DCAF8L2: variants seen among roughly 807,000 people sequenced by gnomAD.
DCAF8L2 encodes DDB1 and CUL4 associated factor 8 like 2.
For missense variants in DCAF8L2, 430 were observed against 490.7 expected (o/e 0.88, Z 1.17); for synonymous variants, 200 against 190.9 (o/e 1.05, Z -0.39).
intron 4 of DCAF8L2, among the ~76,000 whole-genome samples, 197 bp downstream of exon 4, chrX:27,716,368 C>T (rs1465828947): frequency 8.9e-6 from 1 of 112,327 alleles, no homozygotes; most frequent in Non-Finnish European, 1.9e-5. Flanking sequence ...AATAAAAGTA[C>T]TTGAATATTA....
intron 2 of DCAF8L2, among the ~76,000 whole-genome samples, chrX:27,648,523 TTATATA>T (rs57191431): frequency 9.8e-6 from 1 of 102,039 alleles, no homozygotes; most frequent in East Asian, 3.0e-4. Context: ...TATGTATTAT[TTATATA>T]TATATATATA....
At chrX:27,647,340 T>C (rs1928979843) in intron 2 of DCAF8L2, among the ~76,000 whole-genome samples, 1 of 111,703 alleles carries the variant, frequency 9.0e-6, no homozygotes, top group South Asian at 3.8e-4. Flanking sequence ...TTCTCACTTA[T>C]AAGTGGGAGC....
At chrX:27,528,758 A>G in the DCAF8L2 span, among the ~76,000 whole-genome samples, 1 of 110,775 alleles carries the variant, frequency 9.0e-6, no homozygotes, top group African/African-American at 3.3e-5. Flanking sequence ...TAGTGACTAC[A>G]TTTAACCTCT....
chrX:27,503,594 A>G, the DCAF8L2 span, among the ~76,000 whole-genome samples: 2 of 111,194 alleles, frequency 1.8e-5, no homozygotes, highest in African/African-American at 6.5e-5. Flanking sequence ...AAAAAAATCA[A>G]TTGGACATAT....
At chrX:27,686,876 T>C (rs1279293808) in intron 3 of DCAF8L2, among the ~76,000 whole-genome samples, 1 of 112,417 alleles carries the variant, frequency 8.9e-6, no homozygotes, top group Non-Finnish European at 1.9e-5. Flanking sequence ...TCTCTGATCA[T>C]CAAGCATTAA....
At chrX:27,492,484 T>TC in the DCAF8L2 span, among the ~76,000 whole-genome samples, 3 of 107,357 alleles carry the variant, frequency 2.8e-5, no homozygotes, top group East Asian at 8.7e-4. Context: ...TTTCTTTCTT[T>TC]TTTTTTTTTT....
the DCAF8L2 span, among the ~76,000 whole-genome samples, chrX:27,529,123 A>G: frequency 5.4e-5 from 6 of 111,770 alleles, no homozygotes; most frequent in African/African-American, 3.2e-5. Flanking sequence ...TTTAGTAACA[A>G]TAAGCCAAGA....
chrX:27,565,418 G>A, the DCAF8L2 span, among the ~76,000 whole-genome samples: 1 of 111,458 alleles, frequency 9.0e-6, no homozygotes, highest in Non-Finnish European at 1.9e-5. Flanking sequence ...TGTGGTCATG[G>A]TGTATGATCC....
At chrX:27,500,824 G>T in the DCAF8L2 span, among the ~76,000 whole-genome samples, 1 of 111,625 alleles carries the variant, frequency 9.0e-6, no homozygotes, top group Non-Finnish European at 1.9e-5. Context: ...AGAAGCAAAA[G>T]ATTAATAGAC....
the DCAF8L2 span, among the ~76,000 whole-genome samples, chrX:27,582,310 A>G: frequency 8.9e-6 from 1 of 111,970 alleles, no homozygotes; most frequent in Admixed American, 9.5e-5. Flanking sequence ...CTATTCACTG[A>G]ACTATACATA....
At chrX:27,672,732 A>G (rs1481095897) in intron 2 of DCAF8L2, among the ~76,000 whole-genome samples, 2 of 112,302 alleles carry the variant, frequency 1.8e-5, no homozygotes, top group Non-Finnish European at 1.9e-5. Flanking sequence ...CAAGACAACT[A>G]CAGGGCGAAA....
chrX:27,716,008 C>A (rs1422167608), intron 3 of DCAF8L2, 80 bp from the exon 4 acceptor site: 1 of 112,365 alleles, frequency 8.9e-6, no homozygotes, highest in East Asian at 2.8e-4. Flanking sequence ...AAACTAAAAT[C>A]CAATGACTTG....
the DCAF8L2 span, among the ~76,000 whole-genome samples, chrX:27,523,303 G>T: frequency 9.0e-6 from 1 of 110,900 alleles, no homozygotes; most frequent in Non-Finnish European, 1.9e-5. Context: ...GGACTAGACA[G>T]CCTTTAAGAT....
chrX:27,573,631 T>C, the DCAF8L2 span, among the ~76,000 whole-genome samples: 1 of 111,254 alleles, frequency 9.0e-6, no homozygotes. Flanking sequence ...ACTAGGGGAA[T>C]AGATTTTCAC....
At chrX:27,523,572 C>G in the DCAF8L2 span, among the ~76,000 whole-genome samples, 1 of 109,917 alleles carries the variant, frequency 9.1e-6, no homozygotes, top group African/African-American at 3.3e-5. Context: ...AATATAATTT[C>G]CCATCATAGA....
At chrX:27,607,398 C>A (rs1926957479) in intron 1 of DCAF8L2, among the ~76,000 whole-genome samples, 1 of 111,007 alleles carries the variant, frequency 9.0e-6, no homozygotes, top group Non-Finnish European at 1.9e-5. Context: ...TGAATCATTT[C>A]CTGTATAGGA....
chrX:27,587,985 A>AAAAAATATATAT, upstream of DCAF8L2, among the ~76,000 whole-genome samples: 7 of 22,356 alleles, frequency 3.1e-4, no homozygotes, highest in African/African-American at 6.9e-4. Context: ...TAAAAAAAAA[A>AAAAAATATATAT]ATATATATAT....
At position 27,746,700 on chromosome X, in the gene DCAF8L2, A is replaced by G. The variant is rs959243104; in HGVS notation, c.-58-138A>G. ...GCAGGTAAGAAGCTTTTTGAACCTC[A>G]TGGGATCCCATACTGGCAACTGCCT... On this transcript the variant is annotated intron_variant, in intron 4 of 4. Coordinates refer to ENST00000451261, the MANE Select transcript of DCAF8L2 (RefSeq NM_001353450.2). 6 of 401,070 alleles carry G rather than the reference A, an allele frequency of 1.5e-5. No homozygotes were observed. The Admixed American group carries it at 1.7e-4, about 12-fold the overall frequency. The allele number at this position is 401,070 out of a possible 1,213,427, so 33.1% of individuals were successfully genotyped here.
intron 1 of DCAF8L2, among the ~76,000 whole-genome samples, chrX:27,624,376 A>G (rs1033175905): frequency 9.0e-5 from 10 of 111,092 alleles, no homozygotes; most frequent in Non-Finnish European, 1.9e-4. Flanking sequence ...AGTCAATAGA[A>G]GGAACATTCC....
Sources: allele counts gnomAD v4.1 joint callset (sites outside exome capture counted in the v4.1 genomes callset), GRCh38; gene constraint gnomAD v4.1.1; transcripts MANE v1.5; gene names NCBI Gene and HGNC (gene_info 2026-07-23, HGNC 2026-07-21).